MOB3B: variants seen among roughly 807,000 people sequenced by gnomAD.
MOB3B encodes MOB kinase activator 3B, also known as MOB kinase activator-like 2B.
MOB3B carries 7 observed loss-of-function variants against 18.7 expected under a neutral mutation model. The observed-to-expected ratio is 0.37, with a 90% confidence interval of 0.21 to 0.70. The LOEUF is 0.70. MOB3B is among the 30% of genes least tolerant of loss of function. The pLI, the probability that MOB3B is intolerant of heterozygous loss-of-function variation, is 0.52. For synonymous variants in MOB3B, 111 were observed against 99.9 expected (o/e 1.11, Z -0.66); for missense variants, 253 against 281.3 (o/e 0.90, Z 0.72).
intron 2 of MOB3B, among the ~76,000 whole-genome samples, chr9:27,373,029 A>G (rs1453060871): frequency 1.3e-5 from 2 of 152,236 alleles, no homozygotes; most frequent in African/African-American, 4.8e-5. Flanking sequence ...GTTTATTTAT[A>G]TTTAAAAAAC....
At chr9:27,463,024 C>T (rs1819317995) in intron 1 of MOB3B, among the ~76,000 whole-genome samples, 1 of 152,212 alleles carries the variant, frequency 6.6e-6, no homozygotes, top group African/African-American at 2.4e-5. Context: ...TGCAGGGTTG[C>T]TGCAAGAATT....
intron 1 of MOB3B, among the ~76,000 whole-genome samples, chr9:27,465,885 G>A (rs1021250670): frequency 1.3e-5 from 2 of 152,140 alleles, no homozygotes; most frequent in South Asian, 2.1e-4. Flanking sequence ...CATACAGCAC[G>A]GGGATCCTGG....
Position 27,445,363 on chromosome 9 carries a change from C to T in MOB3B, c.418+9770G>A, listed in dbSNP as rs150825333. On this transcript the variant is annotated intron_variant, in intron 2 of 3. Coordinates refer to ENST00000262244, the MANE Select transcript of MOB3B (RefSeq NM_024761.5). ...GCCAAGCTTACATAGGGAGAGCTTA[C>T]GTAAGGAGAGGAGCAGATTTAAATC... Among the ~76,000 whole-genome samples the T allele has an allele frequency of 9.0e-4, 137 of 152,156 alleles. 1 individual carries two copies. Among genetic ancestry groups the T allele is most frequent in the African/African-American group, 3.0e-3 (125 of 41,506 alleles).
At chr9:27,508,959 T>C (rs1820097181) in intron 1 of MOB3B, among the ~76,000 whole-genome samples, 1 of 152,126 alleles carries the variant, frequency 6.6e-6, no homozygotes, top group Non-Finnish European at 1.5e-5. Context: ...CTGGAACAAC[T>C]GGAGAAAGCA....
chr9:27,513,406 C>T (rs1820175523), intron 1 of MOB3B, among the ~76,000 whole-genome samples: 1 of 152,142 alleles, frequency 6.6e-6, no homozygotes, highest in Admixed American at 6.6e-5. Context: ...AAGGGATCTC[C>T]TTCAAGCACA....
chr9:27,512,525 A>C (rs1183399195), intron 1 of MOB3B, among the ~76,000 whole-genome samples: 5 of 152,208 alleles, frequency 3.3e-5, no homozygotes, highest in African/African-American at 1.2e-4. Flanking sequence ...TTCAACCTTA[A>C]AGTATAGAAA....
At chr9:27,481,191 A>C (rs1226640943) in intron 1 of MOB3B, among the ~76,000 whole-genome samples, 1 of 152,208 alleles carries the variant, frequency 6.6e-6, no homozygotes, top group East Asian at 1.9e-4. Context: ...AAAAGACAAA[A>C]AAGGCGAGAA....
At chr9:27,396,460 A>T (rs910928279) in intron 2 of MOB3B, among the ~76,000 whole-genome samples, 1 of 152,126 alleles carries the variant, frequency 6.6e-6, no homozygotes, top group Non-Finnish European at 1.5e-5. Context: ...CTTCTTTCTA[A>T]TAAATCCTGT....
chr9:27,421,804 G>T (rs1822255974), intron 2 of MOB3B: 1 of 152,230 alleles, frequency 6.6e-6, no homozygotes, highest in Non-Finnish European at 1.5e-5. Flanking sequence ...GATGTCGGAG[G>T]GTTTGCTTCT....
At chr9:27,437,560 C>A (rs567706493) in intron 2 of MOB3B, among the ~76,000 whole-genome samples, 1 of 152,124 alleles carries the variant, frequency 6.6e-6, no homozygotes, top group Non-Finnish European at 1.5e-5. Flanking sequence ...TATAATCTAG[C>A]TGATGGACAT....
chr9:27,426,981 C>G (rs1822344208), intron 2 of MOB3B, among the ~76,000 whole-genome samples: 1 of 152,208 alleles, frequency 6.6e-6, no homozygotes, highest in Non-Finnish European at 1.5e-5. Flanking sequence ...CAAGCACACA[C>G]TGGATTATTC....
chr9:27,360,540 G>T (rs1234545015), intron 2 of MOB3B, among the ~76,000 whole-genome samples: 2 of 152,114 alleles, frequency 1.3e-5, no homozygotes, highest in East Asian at 3.9e-4. Context: ...AACAACAAAA[G>T]AATTACCCTT....
chr9:27,505,623 G>A (rs897152978), intron 1 of MOB3B, among the ~76,000 whole-genome samples: 4 of 152,210 alleles, frequency 2.6e-5, no homozygotes, highest in Admixed American at 1.3e-4. Context: ...CCAATGCTGT[G>A]CAAACAGTTC....
At chr9:27,528,702 A>G (rs1302486941) in intron 1 of MOB3B, among the ~76,000 whole-genome samples, 1 of 152,120 alleles carries the variant, frequency 6.6e-6, no homozygotes, top group Non-Finnish European at 1.5e-5. Flanking sequence ...ACAAAAGGCC[A>G]TTCGCCACGA....
At chr9:27,491,514 A>C (rs1406620394) in intron 1 of MOB3B, among the ~76,000 whole-genome samples, 2 of 152,202 alleles carry the variant, frequency 1.3e-5, no homozygotes, top group African/African-American at 4.8e-5. Flanking sequence ...AGAGATTAAA[A>C]AAAGACATAT....
At chr9:27,401,279 C>T in intron 2 of MOB3B, among the ~76,000 whole-genome samples, 1 of 152,222 alleles carries the variant, frequency 6.6e-6, no homozygotes, top group Middle Eastern at 3.2e-3. Flanking sequence ...GCACCCTCAG[C>T]CTGGACCCTG....
At chr9:27,358,274 A>T (rs1821223026) in intron 3 of MOB3B, among the ~76,000 whole-genome samples, 1 of 152,142 alleles carries the variant, frequency 6.6e-6, no homozygotes, top group Non-Finnish European at 1.5e-5. Flanking sequence ...GAGCCACTAT[A>T]AAAAGCTTTG....
intron 1 of MOB3B, among the ~76,000 whole-genome samples, chr9:27,465,284 C>T (rs866717556): frequency 1.3e-5 from 2 of 152,128 alleles, no homozygotes; most frequent in South Asian, 4.1e-4. Context: ...GTCCGAAATC[C>T]AGCAGGGCAG....
At chr9:27,528,601 G>A (rs74814738) in intron 1 of MOB3B, among the ~76,000 whole-genome samples, 18 of 152,366 alleles carry the variant, frequency 1.2e-4, no homozygotes, top group African/African-American at 4.3e-4. Flanking sequence ...GAGCTGGCGT[G>A]GGGGCCGGGG....
Sources: gnomAD v4.1 joint callset for allele counts (sites outside exome capture counted in the v4.1 genomes callset) on GRCh38, gnomAD v4.1.1 for gene constraint, MANE v1.5 for transcripts, NCBI Gene and HGNC (gene_info 2026-07-23, HGNC 2026-07-21) for gene names.